The following ABTB2 variants were observed in gnomAD, a reference collection of about 807,000 sequenced individuals.
The protein encoded by ABTB2 is ankyrin repeat and BTB/POZ domain-containing protein 2.
A neutral mutation model predicts 104.1 loss-of-function variants in ABTB2; 56 were observed. The observed-to-expected ratio is 0.54, with a 90% CI of 0.43 to 0.67. ABTB2 has a LOEUF of 0.67. ABTB2 is among the 30% of genes least tolerant of loss of function. The pLI, the probability that ABTB2 is intolerant of heterozygous loss-of-function variation, is 0.00. For synonymous variants in ABTB2, 606 were observed against 608.2 expected (o/e 1.00, Z 0.05); for missense variants, 1,279 against 1,407.7 (o/e 0.91, Z 1.46).
intron 1 of ABTB2, among the ~76,000 whole-genome samples, chr11:34,260,265 A>G (rs1018929457): frequency 6.6e-6 from 1 of 152,186 alleles, no homozygotes; most frequent in African/African-American, 2.4e-5. Context: ...CTGAGAGTCA[A>G]TGAGGAACGT....
chr11:34,258,587 A>G (rs1436897188), intron 1 of ABTB2, among the ~76,000 whole-genome samples: 1 of 149,446 alleles, frequency 6.7e-6, no homozygotes, highest in East Asian at 2.0e-4. Flanking sequence ...CCTAGTGAGC[A>G]CTACAGAAGT....
chr11:34,351,559 T>C (rs187515488), intron 1 of ABTB2, among the ~76,000 whole-genome samples: 2 of 152,132 alleles, frequency 1.3e-5, no homozygotes, highest in East Asian at 1.9e-4. Context: ...ACTCTATTCA[T>C]TGAGAACAAC....
chr11:34,308,893 G>GAAAAA lies in ABTB2; in HGVS notation c.883+47807_883+47808insTTTTT, dbSNP rs1554924890. ...CAAAAAAAAAAAAAAAAAAAGAAAA[G>GAAAAA]AGAAAGAAAGAAAAGCAAAGAAAAC... On this transcript the variant is annotated intron_variant, in intron 1 of 16. Coordinates refer to ENST00000435224, the MANE Select transcript of ABTB2 (RefSeq NM_145804.3). Among the ~76,000 whole-genome samples the GAAAAA allele has an allele frequency of 4.3e-5, 6 of 138,032 alleles. 1 individual carries two copies. In the South Asian group the frequency reaches 9.0e-4, roughly 21 times the overall value. 90.6% of individuals were successfully genotyped at this position (138,032 alleles called of 152,430 possible). A position where few individuals can be genotyped will look rare whatever the true frequency, so the allele number is the denominator to read the frequency against.
chr11:34,224,806 T>A (rs1290509637), intron 1 of ABTB2, among the ~76,000 whole-genome samples: 1 of 152,230 alleles, frequency 6.6e-6, no homozygotes, highest in Non-Finnish European at 1.5e-5. Flanking sequence ...CACTGAACTC[T>A]GCCCCTCTCC....
chr11:34,336,043 G>T, intron 1 of ABTB2: 1 of 419,802 alleles, frequency 2.4e-6, no homozygotes, highest in East Asian at 4.2e-5. Flanking sequence ...CTTTCCTTTG[G>T]TAAAGTTATT....
intron 1 of ABTB2, among the ~76,000 whole-genome samples, chr11:34,312,478 G>C (rs535643646): frequency 6.6e-6 from 1 of 152,200 alleles, no homozygotes; most frequent in Admixed American, 6.5e-5. Flanking sequence ...TGGCCATTCC[G>C]CAGGGCTTGA....
chr11:34,220,000 A>G (rs1412180920), intron 1 of ABTB2, among the ~76,000 whole-genome samples: 1 of 152,212 alleles, frequency 6.6e-6, no homozygotes, highest in Non-Finnish European at 1.5e-5. Flanking sequence ...GATTTTACAG[A>G]CTTTATGAGA....
intron 1 of ABTB2, among the ~76,000 whole-genome samples, chr11:34,344,083 A>T (rs895244306): frequency 1.3e-5 from 2 of 152,104 alleles, no homozygotes; most frequent in African/African-American, 4.8e-5. Context: ...GCCACCTAAG[A>T]GCGTTCTTTT....
intron 1 of ABTB2, among the ~76,000 whole-genome samples, chr11:34,287,592 T>A (rs568229801): frequency 6.6e-6 from 1 of 152,320 alleles, no homozygotes; most frequent in African/African-American, 2.4e-5. Context: ...TCTGCAACTA[T>A]GAATGAGCAG....
intron 1 of ABTB2, among the ~76,000 whole-genome samples, chr11:34,344,348 C>G (rs929116522): frequency 6.6e-6 from 1 of 152,190 alleles, no homozygotes; most frequent in African/African-American, 2.4e-5. Context: ...AGCCAAAGAT[C>G]GTAAGACTGA....
At chr11:34,160,614 T>C in intron 11 of ABTB2, among the ~76,000 whole-genome samples, 1 of 137,462 alleles carries the variant, frequency 7.3e-6, no homozygotes, top group Non-Finnish European at 1.6e-5. Flanking sequence ...GCTGTGTGTG[T>C]GTGTGTTGGG....
chr11:34,321,084 A>G (rs1214586534), intron 1 of ABTB2, among the ~76,000 whole-genome samples: 1 of 152,204 alleles, frequency 6.6e-6, no homozygotes, highest in Non-Finnish European at 1.5e-5. Flanking sequence ...CGGGAGGCTG[A>G]GGTGGGAGAA....
intron 3 of ABTB2, among the ~76,000 whole-genome samples, chr11:34,182,387 A>G (rs1853038897): frequency 1.3e-5 from 2 of 151,490 alleles, no homozygotes; most frequent in South Asian, 4.2e-4. Flanking sequence ...TCGGACCCCC[A>G]GCCTCATCTC....
At chr11:34,183,292 G>T (rs571622767) in intron 3 of ABTB2, among the ~76,000 whole-genome samples, 23 of 152,238 alleles carry the variant, frequency 1.5e-4, no homozygotes, top group African/African-American at 5.5e-4. Context: ...GTAAGGCGAG[G>T]TTTCACCATG....
At chr11:34,249,492 T>A (rs923909942) in intron 1 of ABTB2, among the ~76,000 whole-genome samples, 1 of 152,132 alleles carries the variant, frequency 6.6e-6, no homozygotes, top group Non-Finnish European at 1.5e-5. Flanking sequence ...GGGAATATCC[T>A]CTAGTACAAT....
intron 1 of ABTB2, among the ~76,000 whole-genome samples, chr11:34,217,453 T>G (rs1260732566): frequency 6.6e-6 from 1 of 150,890 alleles, no homozygotes; most frequent in African/African-American, 2.5e-5. Context: ...TGTGTAGATA[T>G]AAGTTTTTTT....
chr11:34,174,744 A>G (rs1852939540), intron 3 of ABTB2, among the ~76,000 whole-genome samples: 1 of 152,218 alleles, frequency 6.6e-6, no homozygotes, highest in Non-Finnish European at 1.5e-5. Flanking sequence ...TTCGTGGGAC[A>G]CCCACCTGCT....
rs192660891 is a variant in ABTB2 at position 34,233,433 on chromosome 11, G to A, written c.884-28743C>T. Among the ~76,000 whole-genome samples the A allele has an allele frequency of 2.0e-3, 300 of 151,384 alleles. 1 individual carries two copies. Among genetic ancestry groups the A allele is most frequent in the Non-Finnish European group, 2.9e-3 (196 of 67,908 alleles). On this transcript the variant is annotated intron_variant, in intron 1 of 16. Coordinates refer to ENST00000435224, the MANE Select transcript of ABTB2 (RefSeq NM_145804.3). ...CCTCCGCCTCCCAGGTCACTGCAGC[G>A]TTAAACTCCTGGGCTCAAGCAATCC... is the stretch of plus-strand genomic sequence containing the variant.
chr11:34,210,241 A>C (rs1853465199), intron 1 of ABTB2, among the ~76,000 whole-genome samples: 1 of 152,196 alleles, frequency 6.6e-6, no homozygotes, highest in East Asian at 1.9e-4. Flanking sequence ...TGGCTTCTCA[A>C]GTCCTCCCAG....
Sources: allele counts gnomAD v4.1 joint callset (sites outside exome capture counted in the v4.1 genomes callset), GRCh38; gene constraint gnomAD v4.1.1; transcripts MANE v1.5; gene names NCBI Gene and HGNC (gene_info 2026-07-23, HGNC 2026-07-21).